The following PPP4R4 variants were observed in gnomAD, a reference collection of about 807,000 sequenced individuals.
PPP4R4 encodes serine/threonine-protein phosphatase 4 regulatory subunit 4.
In PPP4R4, 70 loss-of-function variants were observed where a neutral mutation model predicts 121.8. The observed-to-expected ratio is 0.57, with a 90% CI of 0.47 to 0.70. The LOEUF (loss-of-function observed/expected upper bound fraction) is 0.70. Among genes scored for constraint, PPP4R4 ranks in the 30% least tolerant of loss-of-function variants. The pLI is 0.00. For synonymous variants in PPP4R4, 348 were observed against 355.7 expected (o/e 0.98, Z 0.24); for missense variants, 875 against 1,033.6 (o/e 0.85, Z 2.10).
intron 2 of PPP4R4, 57 bp from the exon 3 acceptor site, chr14:94,208,407 T>C: frequency 7.7e-7 from 1 of 1,292,366 alleles, no homozygotes; most frequent in South Asian, 1.5e-5. Flanking sequence ...TTTTTATAAC[T>C]GTGCAGAGGA....
intron 5 of PPP4R4, among the ~76,000 whole-genome samples, chr14:94,231,797 G>A (rs1415136860): frequency 6.6e-6 from 1 of 152,086 alleles, no homozygotes; most frequent in African/African-American, 2.4e-5. Flanking sequence ...TTTCAAACAG[G>A]AATTAATGGA....
chr14:94,231,242 G>T lies in PPP4R4; in HGVS notation c.443G>T (p.Gly148Val), dbSNP rs1375840095. Residue 148 changes from glycine (G) to valine (V), a missense_variant and splice_region_variant, in exon 5 of 25, where the codon GGT becomes GTT. By Grantham distance (109) the Gly-to-Val change is moderately radical. Coordinates refer to ENST00000304338, the MANE Select transcript of PPP4R4 (RefSeq NM_058237.2). ...AGTATGTTTTATCTCTGTCAACCAG[G>T]TGTCAGCAATGCATGGCTGGAAACT... is the stretch of plus-strand genomic sequence containing the variant. Reference protein sequence around the residue: ...ILLHLEHRDTGVSNAWLETLL... With the variant: ...ILLHLEHRDTVVSNAWLETLL... 1 of 1,609,416 alleles carries T rather than the reference G, an allele frequency of 6.2e-7. No homozygotes were observed. The highest frequency in any genetic ancestry group is 1.7e-4 in the Middle Eastern group (1 of 6,046).
chr14:94,266,360 A>T (rs1894054072), intron 22 of PPP4R4, among the ~76,000 whole-genome samples: 1 of 152,128 alleles, frequency 6.6e-6, no homozygotes, highest in African/African-American at 2.4e-5. Context: ...TTAGCCCAGG[A>T]GACAAAATTA....
chr14:94,266,058 C>T (rs890958698), intron 22 of PPP4R4, among the ~76,000 whole-genome samples, 171 bp downstream of exon 22: 23 of 151,994 alleles, frequency 1.5e-4, no homozygotes, highest in African/African-American at 5.5e-4. Context: ...AATAAGAGAC[C>T]TCCAACAATT....
chr14:94,174,952 G>A (rs1295877944), intron 1 of PPP4R4, among the ~76,000 whole-genome samples: 45 of 104,628 alleles, frequency 4.3e-4, no homozygotes, highest in African/African-American at 1.7e-3. Context: ...AGCGTCCTCC[G>A]TCGCGGACCC....
At chr14:94,230,479 T>C (rs947968245) in intron 3 of PPP4R4, 108 bp from the exon 4 acceptor site, 1 of 1,036,296 alleles carries the variant, frequency 9.6e-7, no homozygotes, top group Admixed American at 2.7e-5. Flanking sequence ...GTCATATGTC[T>C]TAATTTTGTG....
chr14:94,260,001 A>T (rs1033322461), intron 19 of PPP4R4, among the ~76,000 whole-genome samples: 2 of 152,234 alleles, frequency 1.3e-5, no homozygotes, highest in Admixed American at 6.5e-5. Flanking sequence ...GGATATTACA[A>T]ATATAGTTGC....
intron 11 of PPP4R4, among the ~76,000 whole-genome samples, chr14:94,243,686 G>T (rs1355855076): frequency 1.3e-5 from 2 of 152,030 alleles, no homozygotes; most frequent in South Asian, 4.1e-4. Flanking sequence ...TATTTGCTGG[G>T]TGGCTAGTTT....
intron 2 of PPP4R4, among the ~76,000 whole-genome samples, chr14:94,195,320 G>T (rs933733338): frequency 6.6e-6 from 1 of 152,180 alleles, no homozygotes; most frequent in Non-Finnish European, 1.5e-5. Context: ...ATCTCTGGGG[G>T]TGGGACCCAG....
At chr14:94,178,797 T>C (rs1291113372) in intron 2 of PPP4R4, among the ~76,000 whole-genome samples, 1 of 152,214 alleles carries the variant, frequency 6.6e-6, no homozygotes, top group African/African-American at 2.4e-5. Context: ...GTCAAAATCA[T>C]ATCTTATCTT....
intron 11 of PPP4R4, among the ~76,000 whole-genome samples, chr14:94,244,060 G>GGCTCCGAGTTTATAAGGAGGAGACAAAC (rs1892765766): frequency 6.6e-6 from 1 of 151,802 alleles, no homozygotes; most frequent in Admixed American, 6.6e-5. Flanking sequence ...ATTCACCATT[G>GGCTCCGAGTTTATAAGGAGGAGACAAAC]TGGGCTCCGA....
chr14:94,237,873 C>T (rs1892427459), intron 8 of PPP4R4, among the ~76,000 whole-genome samples, 187 bp downstream of exon 8: 1 of 152,132 alleles, frequency 6.6e-6, no homozygotes. Flanking sequence ...GTGTCGTAGT[C>T]CATTTTGTGT....
chr14:94,248,653 G>T (rs916317192), intron 14 of PPP4R4, among the ~76,000 whole-genome samples: 20 of 152,140 alleles, frequency 1.3e-4, no homozygotes, highest in African/African-American at 4.6e-4. Context: ...GTTAGTTGTA[G>T]AATCCATTGA....
intron 19 of PPP4R4, among the ~76,000 whole-genome samples, chr14:94,263,360 C>T (rs1413277223): frequency 6.6e-6 from 1 of 152,110 alleles, no homozygotes; most frequent in Non-Finnish European, 1.5e-5. Flanking sequence ...GATGTATCTT[C>T]AGTGTTACCA....
At chr14:94,235,284 T>G (rs964117249) in intron 7 of PPP4R4, among the ~76,000 whole-genome samples, 4 of 152,036 alleles carry the variant, frequency 2.6e-5, no homozygotes, top group African/African-American at 9.7e-5. Flanking sequence ...TCCACAGATG[T>G]GGAACCTGCA....
At chr14:94,247,816 T>G (rs1430610833) in intron 14 of PPP4R4, among the ~76,000 whole-genome samples, 1 of 152,216 alleles carries the variant, frequency 6.6e-6, no homozygotes, top group Non-Finnish European at 1.5e-5. Context: ...AAAAATTACA[T>G]GATCATCTCA....
intron 3 of PPP4R4, among the ~76,000 whole-genome samples, chr14:94,214,484 T>C (rs1413532357): frequency 6.8e-6 from 1 of 146,302 alleles, no homozygotes; most frequent in Non-Finnish European, 1.5e-5. Flanking sequence ...TAGGGCGGCA[T>C]AGCAAGACCT....
chr14:94,211,016 G>T (rs1191889923), intron 3 of PPP4R4, among the ~76,000 whole-genome samples: 1 of 151,976 alleles, frequency 6.6e-6, no homozygotes, highest in Non-Finnish European at 1.5e-5. Flanking sequence ...CAGCATCTCG[G>T]GTAACTGCTT....
chr14:94,190,036 G>T (rs1057289723), intron 2 of PPP4R4, among the ~76,000 whole-genome samples: 3 of 140,608 alleles, frequency 2.1e-5, no homozygotes, highest in Non-Finnish European at 4.6e-5. Context: ...CAGGGATTTG[G>T]CTTGCTTTTA....
Sources: allele counts gnomAD v4.1 joint callset (sites outside exome capture counted in the v4.1 genomes callset), GRCh38; gene constraint gnomAD v4.1.1; transcripts MANE v1.5; gene names NCBI Gene and HGNC (gene_info 2026-07-23, HGNC 2026-07-21).